The following DROSHA variants were observed in gnomAD, a reference collection of about 807,000 sequenced individuals.
DROSHA encodes ribonuclease 3.
Under a neutral mutation model 181.9 loss-of-function variants are expected in DROSHA, and 56 were observed. The ratio of observed to expected loss-of-function variants is 0.31; its 90% CI spans 0.25 to 0.38. The LOEUF (loss-of-function observed/expected upper bound fraction) is 0.38, where lower values mean the gene tolerates loss of function less well. Among genes scored for constraint, DROSHA ranks in the 10% least tolerant of loss-of-function variants. The probability of loss-of-function intolerance (pLI) is 1.00; values close to 1 mark genes in which losing one functional copy is unlikely to be tolerated. For synonymous variants in DROSHA, 524 were observed against 591.2 expected (o/e 0.89, Z 1.65); for missense variants, 1,218 against 1,743.5 (o/e 0.70, Z 5.37).
At chr5:31,463,974 G>C in intron 20 of DROSHA, 1 of 419,108 alleles carries the variant, frequency 2.4e-6, no homozygotes, top group Non-Finnish European at 4.3e-6. Context: ...TTTATCCAAA[G>C]AGAAGACACT....
intron 13 of DROSHA, 149 bp from the exon 14 acceptor site, chr5:31,486,711 G>C (rs1751811532): frequency 8.4e-6 from 5 of 595,058 alleles, no homozygotes; most frequent in East Asian, 3.0e-5. Flanking sequence ...CATGAAGCTT[G>C]ACCACAACTG....
chr5:31,447,791 A>G (rs983676500), intron 23 of DROSHA, among the ~76,000 whole-genome samples: 1 of 152,238 alleles, frequency 6.6e-6, no homozygotes, highest in African/African-American at 2.4e-5. Context: ...AATCAAAACC[A>G]TAATGAGATA....
At chr5:31,439,981 A>C (rs1202443777) in intron 23 of DROSHA, among the ~76,000 whole-genome samples, 1 of 152,178 alleles carries the variant, frequency 6.6e-6, no homozygotes, top group Admixed American at 6.5e-5. Flanking sequence ...CATCTCCCCA[A>C]ATAATTCAAC....
At chr5:31,498,621 GC>G (rs1753259506) in intron 11 of DROSHA, among the ~76,000 whole-genome samples, 1 of 152,120 alleles carries the variant, frequency 6.6e-6, no homozygotes, top group Admixed American at 6.5e-5. Flanking sequence ...ACTTTGGGAG[GC>G]CAAGGTGGGC....
chr5:31,443,153 G>A lies in DROSHA; in HGVS notation c.2882+5394C>T, dbSNP rs112414506. On this transcript the variant is annotated intron_variant, in intron 23 of 35. Transcript: ENST00000344624. Reference sequence around the variant, plus strand: ...TCCTGCCTCAGCCACCCGAGTAGCTGGGATTACAGGAGGCCACCACCATGT... The same window carrying A: ...TCCTGCCTCAGCCACCCGAGTAGCTAGGATTACAGGAGGCCACCACCATGT... 4.1e-3 allele frequency among the ~76,000 whole-genome samples: 625 copies of A among 151,162 alleles called. 5 individuals are homozygous for A. Among genetic ancestry groups the A allele is most frequent in the African/African-American group, 0.015 (601 of 41,122 alleles).
At chr5:31,503,398 G>A (rs1179848420) in intron 11 of DROSHA, among the ~76,000 whole-genome samples, 1 of 152,168 alleles carries the variant, frequency 6.6e-6, no homozygotes, top group Admixed American at 6.5e-5. Flanking sequence ...CCTGCCTACA[G>A]GTCCCTAGCT....
chr5:31,527,603 T>G (rs4867348), intron 4 of DROSHA: 71,009 of 152,876 alleles, frequency 0.46, 17,202 homozygotes, highest in East Asian at 0.6. Context: ...TATGATGGGA[T>G]TAGTACCCTT....
At chr5:31,467,301 A>T (rs545013901) in intron 18 of DROSHA, 57 of 105,858 alleles carry the variant, frequency 5.4e-4, no homozygotes, top group Admixed American at 5.2e-3. Context: ...AAAAAAAAAA[A>T]AAAAATAAGT....
intron 30 of DROSHA, among the ~76,000 whole-genome samples, chr5:31,412,010 T>C (rs781635210): frequency 6.6e-6 from 1 of 152,252 alleles, no homozygotes; most frequent in Non-Finnish European, 1.5e-5. Context: ...AAATTTCTAC[T>C]AGGAATTTCA....
At chr5:31,506,792 G>A (rs534014023) in intron 10 of DROSHA, among the ~76,000 whole-genome samples, 8 of 152,142 alleles carry the variant, frequency 5.3e-5, no homozygotes, top group Admixed American at 2.0e-4. Flanking sequence ...TAGTGTTCAC[G>A]GATCTCCAGG....
chr5:31,495,135 C>G, intron 12 of DROSHA, 151 bp downstream of exon 12: 1 of 800,122 alleles, frequency 1.2e-6, no homozygotes, highest in South Asian at 1.7e-5. Context: ...CTGAAAGAAA[C>G]GTCATCGTGA....
intron 10 of DROSHA, among the ~76,000 whole-genome samples, chr5:31,505,140 T>C (rs1737773958): frequency 6.6e-6 from 1 of 152,168 alleles, no homozygotes; most frequent in Non-Finnish European, 1.5e-5. Flanking sequence ...TTAGATTACA[T>C]CTCTTTCTCT....
intron 34 of DROSHA, among the ~76,000 whole-genome samples, chr5:31,406,009 T>C (rs1249101437): frequency 6.6e-6 from 1 of 152,092 alleles, no homozygotes; most frequent in Non-Finnish European, 1.5e-5. Context: ...ATGTTAGGTC[T>C]GAAGTATTTC....
chr5:31,490,497 A>G (rs1752282643), intron 13 of DROSHA, among the ~76,000 whole-genome samples: 1 of 152,204 alleles, frequency 6.6e-6, no homozygotes, highest in South Asian at 2.1e-4. Flanking sequence ...AAAACTTCAG[A>G]TAAGTTGTCA....
chr5:31,519,129 G>GTATTT (rs1739590721), intron 6 of DROSHA, among the ~76,000 whole-genome samples: 1 of 151,994 alleles, frequency 6.6e-6, no homozygotes, highest in Non-Finnish European at 1.5e-5. Context: ...TTTATTTTCT[G>GTATTT]CTGCGTTAGT....
chr5:31,467,868 GTATTTCTCTGCTAATTTGGCTGT>G, intron 18 of DROSHA, 48 bp downstream of exon 18: 1 of 1,563,490 alleles, frequency 6.4e-7, no homozygotes, highest in Non-Finnish European at 8.7e-7. Context: ...CCACTAAAGG[GTATTTCTCTGCTAATTTGGCTGT>G]TAGTAGAAGG....
At position 31,447,208 on chromosome 5, in the gene DROSHA, G is replaced by T. The variant is rs182981556; in HGVS notation, c.2882+1339C>A. Among the ~76,000 whole-genome samples the T allele has an allele frequency of 9.9e-5, 15 of 152,228 alleles. No homozygotes were observed. The East Asian group carries it at 2.7e-3, about 27-fold the overall frequency. On this transcript the variant is annotated intron_variant, in intron 23 of 35. Coordinates refer to ENST00000344624, the MANE Select transcript of DROSHA (RefSeq NM_001382508.1). Reference sequence around the variant, plus strand: ...ACAGGTTACATGGACACATAGAGGAGAACAACACACACTAGGGCCTTTCGG... The same window carrying T: ...ACAGGTTACATGGACACATAGAGGATAACAACACACACTAGGGCCTTTCGG...
intron 13 of DROSHA, among the ~76,000 whole-genome samples, chr5:31,492,817 G>A (rs569211366): frequency 2.6e-5 from 4 of 152,300 alleles, no homozygotes; most frequent in Admixed American, 1.3e-4. Context: ...GGCTCCAAAC[G>A]TTCTGAATAA....
intron 11 of DROSHA, among the ~76,000 whole-genome samples, chr5:31,503,928 C>T (rs944559309): frequency 2.0e-5 from 3 of 152,116 alleles, no homozygotes; most frequent in Non-Finnish European, 4.4e-5. Context: ...TTTACATATA[C>T]TATGTTTAAA....
Sources: gnomAD v4.1 joint callset for allele counts (sites outside exome capture counted in the v4.1 genomes callset) on GRCh38, gnomAD v4.1.1 for gene constraint, MANE v1.5 for transcripts, NCBI Gene and HGNC (gene_info 2026-07-23, HGNC 2026-07-21) for gene names.